CPS1: variants seen among roughly 807,000 people sequenced by gnomAD.
The protein encoded by CPS1 is carbamoyl-phosphate synthase [ammonia], mitochondrial.
Under a neutral mutation model 174.6 loss-of-function variants are expected in CPS1, and 109 were observed. That is an observed-to-expected ratio of 0.62 (90% CI 0.53 to 0.73). The LOEUF is 0.73. Ranked by LOEUF, CPS1 falls within the 30% of genes least tolerant of loss-of-function variation. The pLI, the probability that CPS1 is intolerant of heterozygous loss-of-function variation, is 0.00. For synonymous variants in CPS1, 637 were observed against 632.0 expected (o/e 1.01, Z -0.12); for missense variants, 1,689 against 1,821.9 (o/e 0.93, Z 1.33).
chr2:210,591,005 T>C, intron 9 of CPS1, 99 bp downstream of exon 9: 1 of 665,242 alleles, frequency 1.5e-6, no homozygotes, highest in Non-Finnish European at 2.7e-6. Flanking sequence ...TTAGAGTAAA[T>C]AAATGCACAT....
intron 6 of CPS1, among the ~76,000 whole-genome samples, chr2:210,583,255 G>T (rs193020053): frequency 1.5e-4 from 23 of 152,204 alleles, no homozygotes; most frequent in Non-Finnish European, 2.9e-4. Context: ...TTATAAAAAG[G>T]TAAAGAATAC....
intron 1 of CPS1, among the ~76,000 whole-genome samples, chr2:210,494,453 C>G (rs1694941389): frequency 1.3e-5 from 2 of 151,968 alleles, no homozygotes. Flanking sequence ...TAACTCGTAC[C>G]AAGGGGAAGA....
chr2:210,645,852 G>C (rs1271656938), intron 25 of CPS1, among the ~76,000 whole-genome samples: 1 of 152,034 alleles, frequency 6.6e-6, no homozygotes, highest in African/African-American at 2.4e-5. Context: ...CTGTAAAATG[G>C]GGACAGTAAT....
chr2:210,523,034 C>A (rs1488367484), intron 1 of CPS1, among the ~76,000 whole-genome samples: 2 of 151,986 alleles, frequency 1.3e-5, no homozygotes, highest in Non-Finnish European at 2.9e-5. Flanking sequence ...AAGAAAAGAA[C>A]TGAATTAGAA....
intron 30 of CPS1, chr2:210,658,373 G>T: frequency 2.1e-6 from 1 of 470,134 alleles, no homozygotes; most frequent in South Asian, 2.1e-5. Context: ...AGATAATCGT[G>T]TACAATTATT....
intron 33 of CPS1, among the ~76,000 whole-genome samples, chr2:210,667,680 T>C (rs1701145309): frequency 6.6e-6 from 1 of 152,210 alleles, no homozygotes; most frequent in South Asian, 2.1e-4. Context: ...CAGAAGGCTG[T>C]CTCATAAGCT....
At chr2:210,555,336 T>C (rs962205025), upstream of CPS1, among the ~76,000 whole-genome samples, 2 of 152,040 alleles carry the variant, frequency 1.3e-5, no homozygotes, top group African/African-American at 4.8e-5. Flanking sequence ...GAACTTGATC[T>C]TTCTTTCTTA....
chr2:210,675,464 A>G (rs1355157217), intron 35 of CPS1, among the ~76,000 whole-genome samples: 3 of 152,332 alleles, frequency 2.0e-5, no homozygotes, highest in South Asian at 2.1e-4. Context: ...TTGTCATTGA[A>G]TTATTAAATT....
intron 1 of CPS1, among the ~76,000 whole-genome samples, chr2:210,566,773 G>C (rs13020941): frequency 0.099 from 15,031 of 151,896 alleles, 856 homozygotes; most frequent in East Asian, 0.25. Context: ...TTTTTGTGAA[G>C]ATTAGATGAG....
intron 25 of CPS1, among the ~76,000 whole-genome samples, chr2:210,643,737 C>T (rs1700294690): frequency 6.6e-6 from 1 of 152,010 alleles, no homozygotes; most frequent in Non-Finnish European, 1.5e-5. Context: ...TCTACTTGGG[C>T]CTGGCCTACT....
chr2:210,592,017 G>T, intron 10 of CPS1, 48 bp downstream of exon 10: 1 of 1,581,012 alleles, frequency 6.3e-7, no homozygotes, highest in Non-Finnish European at 8.6e-7. Flanking sequence ...GAAACGCAGG[G>T]CTTTTAAAAA....
chr2:210,486,139 CACACACACACACACACACA>C (rs1694715612), intron 1 of CPS1, among the ~76,000 whole-genome samples: 1 of 148,036 alleles, frequency 6.8e-6, no homozygotes, highest in African/African-American at 2.5e-5. Flanking sequence ...CACACACACA[CACACACACACACACACACA>C]CCCTGTATAT....
At chr2:210,629,790 C>T (rs1167392553) in intron 21 of CPS1, among the ~76,000 whole-genome samples, 2 of 150,486 alleles carry the variant, frequency 1.3e-5, no homozygotes, top group African/African-American at 4.9e-5. Flanking sequence ...GTGGCTCACG[C>T]CTGTGATCCC....
intron 1 of CPS1, among the ~76,000 whole-genome samples, chr2:210,568,765 G>C (rs1407174246): frequency 2.0e-5 from 3 of 151,948 alleles, no homozygotes; most frequent in African/African-American, 7.3e-5. Flanking sequence ...ACTAACCACT[G>C]CTAGAAAAAA....
upstream of CPS1, chr2:210,556,427 G>A: frequency 1.7e-6 from 1 of 582,948 alleles, no homozygotes; most frequent in African/African-American, 1.9e-5. Context: ...TTTGATGGAT[G>A]GCTGGTTTTC....
intron 19 of CPS1, 152 bp downstream of exon 19, chr2:210,608,711 A>G: frequency 1.4e-6 from 1 of 733,652 alleles, no homozygotes; most frequent in Non-Finnish European, 2.4e-6. Context: ...CCTGAATATT[A>G]GCATACTAAT....
chr2:210,594,751 A>G (rs1698432648), intron 12 of CPS1, 145 bp downstream of exon 12: 2 of 674,492 alleles, frequency 3.0e-6, no homozygotes, highest in African/African-American at 1.8e-5. Flanking sequence ...TTTTGTAACT[A>G]ATTATTTGGT....
At chr2:210,543,177 C>G (rs1288784707) in intron 1 of CPS1, among the ~76,000 whole-genome samples, 1 of 152,156 alleles carries the variant, frequency 6.6e-6, no homozygotes, top group Admixed American at 6.5e-5. Context: ...AGTTAGCTTC[C>G]TATGTGGGCT....
At chr2:210,639,352 C>T (rs187533254) in intron 23 of CPS1, 137 bp downstream of exon 23, 7 of 692,350 alleles carry the variant, frequency 1.0e-5, no homozygotes, top group African/African-American at 1.8e-5. Context: ...GTGGCTCACG[C>T]CTGTAATCCC....
Sources: allele counts gnomAD v4.1 joint callset (sites outside exome capture counted in the v4.1 genomes callset), GRCh38; gene constraint gnomAD v4.1.1; transcripts MANE v1.5; gene names NCBI Gene and HGNC (gene_info 2026-07-23, HGNC 2026-07-21).